NFATC2: variants seen among roughly 807,000 people sequenced by gnomAD.
The protein encoded by NFATC2 is nuclear factor of activated T-cells, cytoplasmic 2.
Under a neutral mutation model 87.3 loss-of-function variants are expected in NFATC2, and 22 were observed. The ratio of observed to expected loss-of-function variants is 0.25; its 90% confidence interval spans 0.18 to 0.36. The LOEUF (loss-of-function observed/expected upper bound fraction) is 0.36, where lower values mean the gene tolerates loss of function less well. Among genes scored for constraint, NFATC2 ranks in the 10% least tolerant of loss-of-function variants. NFATC2 has a pLI of 1.00. For synonymous variants in NFATC2, 565 were observed against 542.2 expected (o/e 1.04, Z -0.58); for missense variants, 1,149 against 1,259.1 (o/e 0.91, Z 1.32).
At chr20:51,525,853 AT>A (rs1568729942) in intron 1 of NFATC2, among the ~76,000 whole-genome samples, 1 of 151,580 alleles carries the variant, frequency 6.6e-6, no homozygotes, top group Non-Finnish European at 1.5e-5. Flanking sequence ...AAAACCTACT[AT>A]AAAGGCTTCT....
intron 9 of NFATC2, among the ~76,000 whole-genome samples, chr20:51,420,926 T>A (rs570650952): frequency 6.6e-6 from 1 of 152,092 alleles, no homozygotes; most frequent in African/African-American, 2.4e-5. Context: ...CTAGGCACCA[T>A]AGCAGGCACC....
chr20:51,476,389 G>GA (rs1184954229), intron 3 of NFATC2, among the ~76,000 whole-genome samples: 4 of 151,786 alleles, frequency 2.6e-5, no homozygotes, highest in Non-Finnish European at 4.4e-5. Flanking sequence ...AAAAGATAAA[G>GA]ACTGAAAGAA....
At chr20:51,561,358 AAAAG>A (rs1175417803) in intron 1 of NFATC2, among the ~76,000 whole-genome samples, 6 of 148,852 alleles carry the variant, frequency 4.0e-5, no homozygotes, top group South Asian at 2.1e-4. Context: ...AGAGAGAAAG[AAAAG>A]AAAGAAAGAG....
chr20:51,502,775 C>G (rs1372581701), intron 3 of NFATC2, among the ~76,000 whole-genome samples: 1 of 152,192 alleles, frequency 6.6e-6, no homozygotes, highest in Non-Finnish European at 1.5e-5. Context: ...TCACCTGATA[C>G]AGGTTCCAAA....
At chr20:51,469,063 C>T (rs775385456) in intron 5 of NFATC2, among the ~76,000 whole-genome samples, 1 of 151,686 alleles carries the variant, frequency 6.6e-6, no homozygotes, top group African/African-American at 2.4e-5. Context: ...AACTTTGTCA[C>T]CCAAGCTGGA....
At position 51,389,895 on chromosome 20, in the gene NFATC2, T is replaced by A. The variant is rs1986141128; in HGVS notation, c.*1601A>T. 1 of 152,216 alleles carries A rather than the reference T, an allele frequency of 6.6e-6. No homozygotes were observed. The highest frequency in any genetic ancestry group is 2.1e-4 in the South Asian group (1 of 4,832). The allele number at this position is 152,216 out of a possible 1,614,324, so 9.4% of individuals were successfully genotyped here. On this transcript the variant is annotated 3_prime_UTR_variant, in exon 11 of 11. Transcript: ENST00000371564. ...GACTGGACTGAGAAAACACTCTAAG[T>A]ACAGTCTGAGTGCTAAGAATATTTT... is the stretch of plus-strand genomic sequence containing the variant.
intron 9 of NFATC2, among the ~76,000 whole-genome samples, chr20:51,421,183 A>G (rs1175289339): frequency 6.6e-6 from 1 of 152,180 alleles, no homozygotes; most frequent in Non-Finnish European, 1.5e-5. Flanking sequence ...TTGGCCATGC[A>G]TTGATAACAG....
intron 3 of NFATC2, among the ~76,000 whole-genome samples, chr20:51,503,775 C>A (rs1171808051): frequency 6.6e-6 from 1 of 152,166 alleles, no homozygotes; most frequent in African/African-American, 2.4e-5. Context: ...AGGGTAGATA[C>A]CAATGGATGA....
At chr20:51,541,631 TACCCCATCCC>T (rs1401983196) in intron 1 of NFATC2, among the ~76,000 whole-genome samples, 2 of 152,302 alleles carry the variant, frequency 1.3e-5, no homozygotes, top group African/African-American at 4.8e-5. Flanking sequence ...CCCCTCACCC[TACCCCATCCC>T]ACCACATCCA....
chr20:51,468,641 T>C (rs377243980), intron 5 of NFATC2, among the ~76,000 whole-genome samples: 1 of 152,232 alleles, frequency 6.6e-6, no homozygotes, highest in South Asian at 2.1e-4. Context: ...CCTGTCTCAT[T>C]GCAGCCTTTT....
intron 3 of NFATC2, among the ~76,000 whole-genome samples, chr20:51,491,945 G>A (rs997022008): frequency 4.2e-5 from 6 of 144,398 alleles, no homozygotes; most frequent in Admixed American, 1.4e-4. Flanking sequence ...TACTCCCTGT[G>A]AAAGCTTATG....
intron 9 of NFATC2, 75 bp from the exon 10 acceptor site, chr20:51,398,805 C>T (rs1600654154): frequency 9.9e-7 from 1 of 1,012,482 alleles, no homozygotes; most frequent in East Asian, 2.4e-5. Context: ...GCTTCCAACT[C>T]ATGCCGATAT....
In NFATC2 at chr20:51,387,149, A is replaced by G. The variant is rs1389518906; in HGVS notation, c.*4347T>C. The G allele has an allele frequency of 6.6e-6, 1 of 152,180 alleles. No individual in the cohort carries two copies. The highest frequency in any genetic ancestry group is 1.5e-5 in the Non-Finnish European group (1 of 68,034). The allele number at this position is 152,180 out of a possible 1,614,324, so 9.4% of individuals were successfully genotyped here. On this transcript the variant is annotated 3_prime_UTR_variant, in exon 11 of 11. Coordinates refer to ENST00000371564, the MANE Select transcript of NFATC2 (RefSeq NM_012340.5). ...GCCTGCCAGCACCACCATGTTGGAG[A>G]GACCTGTTTGTTGGAGAATTGGTTT...
intron 3 of NFATC2, among the ~76,000 whole-genome samples, chr20:51,497,714 G>C (rs768210140): frequency 3.3e-5 from 5 of 152,130 alleles, no homozygotes; most frequent in Non-Finnish European, 5.9e-5. Flanking sequence ...AGATTGGCCA[G>C]GGAGGGGGCG....
chr20:51,487,479 C>A (rs1290972840), intron 3 of NFATC2, among the ~76,000 whole-genome samples: 1 of 152,152 alleles, frequency 6.6e-6, no homozygotes, highest in African/African-American at 2.4e-5. Flanking sequence ...CACATGTATC[C>A]CGGAACTTAA....
At chr20:51,483,142 T>A (rs1179239186) in intron 3 of NFATC2, among the ~76,000 whole-genome samples, 23 of 152,242 alleles carry the variant, frequency 1.5e-4, no homozygotes, top group East Asian at 5.8e-4. Flanking sequence ...ATTTAGATGG[T>A]TCCCAACTTT....
intron 3 of NFATC2, among the ~76,000 whole-genome samples, chr20:51,499,751 A>AAAAG (rs1225915429): frequency 7.5e-4 from 114 of 151,562 alleles, no homozygotes; most frequent in African/African-American, 1.7e-3. Flanking sequence ...TAAAAAAAAA[A>AAAAG]AAAGAAAGAA....
At chr20:51,556,347 GAC>G (rs992714642) in intron 1 of NFATC2, among the ~76,000 whole-genome samples, 33 of 152,082 alleles carry the variant, frequency 2.2e-4, no homozygotes, top group African/African-American at 8.0e-4. Context: ...CCACTCACCA[GAC>G]ACACACACAC....
chr20:51,401,397 C>A (rs1854208689), intron 9 of NFATC2, among the ~76,000 whole-genome samples: 1 of 151,792 alleles, frequency 6.6e-6, no homozygotes, highest in Admixed American at 6.5e-5. Flanking sequence ...ATTAAGCCCA[C>A]AATATGGTCC....
Sources: gnomAD v4.1 joint callset for allele counts (sites outside exome capture counted in the v4.1 genomes callset) on GRCh38, gnomAD v4.1.1 for gene constraint, MANE v1.5 for transcripts, NCBI Gene and HGNC (gene_info 2026-07-23, HGNC 2026-07-21) for gene names.